NRG2: variants seen among roughly 807,000 people sequenced by gnomAD.
NRG2 encodes the protein pro-neuregulin-2, membrane-bound isoform.
Under a neutral mutation model 73.9 loss-of-function variants are expected in NRG2, and 27 were observed. That is an observed-to-expected ratio of 0.37 (90% confidence interval 0.27 to 0.50). The LOEUF (loss-of-function observed/expected upper bound fraction) is 0.50, where lower values mean the gene tolerates loss of function less well. NRG2 is among the 20% of genes least tolerant of loss of function. The pLI, the probability that NRG2 is intolerant of heterozygous loss-of-function variation, is 0.96. For missense variants in NRG2, 1,126 were observed against 1,210.1 expected, an observed-to-expected ratio of 0.93 and a Z score of 1.03; for synonymous variants, 532 against 541.0, an observed-to-expected ratio of 0.98 and a Z score of 0.23.
intron 1 of NRG2, among the ~76,000 whole-genome samples, chr5:139,917,337 G>A (rs1336294520): frequency 6.6e-6 from 1 of 152,042 alleles, no homozygotes; most frequent in African/African-American, 2.4e-5. Context: ...CTGCAGCCTT[G>A]ACCTCCCGGG....
At chr5:139,925,345 GGAC>G (rs1350671922) in intron 1 of NRG2, among the ~76,000 whole-genome samples, 1 of 152,124 alleles carries the variant, frequency 6.6e-6, no homozygotes, top group Non-Finnish European at 1.5e-5. Flanking sequence ...AGTGTTTACT[GGAC>G]ACTCATGAGG....
intron 5 of NRG2, among the ~76,000 whole-genome samples, chr5:139,860,340 C>T (rs568351141): frequency 6.6e-6 from 1 of 152,134 alleles, no homozygotes; most frequent in South Asian, 2.1e-4. Flanking sequence ...TTCCTGCAGA[C>T]AGCTTGCCCA....
At chr5:139,881,931 C>A (rs541493036) in intron 2 of NRG2, among the ~76,000 whole-genome samples, 7 of 152,330 alleles carry the variant, frequency 4.6e-5, no homozygotes, top group African/African-American at 1.7e-4. Context: ...TGCTTAGGCT[C>A]TGCAAGGGCC....
chr5:140,030,641 G>A (rs1416566979), intron 1 of NRG2, among the ~76,000 whole-genome samples: 2 of 152,180 alleles, frequency 1.3e-5, no homozygotes, highest in African/African-American at 2.4e-5. Flanking sequence ...AAACAAATAC[G>A]GAAAGCTCAC....
chr5:139,970,727 A>G (rs1304549648), intron 1 of NRG2, among the ~76,000 whole-genome samples: 1 of 152,204 alleles, frequency 6.6e-6, no homozygotes, highest in Non-Finnish European at 1.5e-5. Flanking sequence ...TGTGGTAGGA[A>G]GCAGTGGGAA....
chr5:139,886,738 C>T (rs1177029454), intron 2 of NRG2, among the ~76,000 whole-genome samples: 3 of 152,170 alleles, frequency 2.0e-5, no homozygotes, highest in African/African-American at 7.2e-5. Flanking sequence ...TCTCCCATAG[C>T]CTAGAGACTC....
At chr5:139,964,875 T>C (rs932204435) in intron 1 of NRG2, among the ~76,000 whole-genome samples, 8 of 152,198 alleles carry the variant, frequency 5.3e-5, no homozygotes, top group African/African-American at 1.9e-4. Flanking sequence ...CCAGGAGAGA[T>C]GGTTTTTGTC....
intron 1 of NRG2, among the ~76,000 whole-genome samples, chr5:139,895,025 G>T (rs1007819373): frequency 1.3e-5 from 2 of 152,224 alleles, no homozygotes; most frequent in African/African-American, 2.4e-5. Context: ...AAGGGAGGAG[G>T]AGGAGACAAA....
At position 139,848,167 on chromosome 5, in the gene NRG2, C is replaced by T; in HGVS notation, c.2303G>A (p.Gly768Asp). 7.0e-7 allele frequency: 1 copy of T among 1,430,790 alleles called. No homozygotes were observed. Among genetic ancestry groups the T allele is most frequent in the Non-Finnish European group, 9.1e-7 (1 of 1,098,588 alleles). 88.6% of individuals were successfully genotyped at this position (1,430,790 alleles called of 1,614,324 possible). A position where few individuals can be genotyped will look rare whatever the true frequency, so the allele number is the denominator to read the frequency against. The change falls in exon 10 of 10, where the codon GGC becomes GAC. Residue 768 changes from glycine to aspartate, a missense_variant. Gly to Asp is a moderately conservative substitution (Grantham distance 94). Around this residue, in one of 3 missense-constraint regions of NRG2, gnomAD observed 402 missense variants for 357.8 expected, o/e 1.12. Coordinates refer to ENST00000361474, the MANE Select transcript of NRG2 (RefSeq NM_004883.3). Reference sequence around the variant, plus strand: ...CGCCGAGGCTGAGCCGCCGCCCGAGCCGCTGCTCAGCGACAGCGAGTCCCT... The same window carrying T: ...CGCCGAGGCTGAGCCGCCGCCCGAGTCGCTGCTCAGCGACAGCGAGTCCCT... Reference protein sequence around the residue: ...AARDSLSLSSGSGGGSASASD... With the variant: ...AARDSLSLSSDSGGGSASASD...
chr5:139,965,004 A>G (rs1216996311), intron 1 of NRG2, among the ~76,000 whole-genome samples: 2 of 152,208 alleles, frequency 1.3e-5, no homozygotes. Flanking sequence ...AGGGGAAACA[A>G]AGGTGTCTTG....
At chr5:139,949,574 G>T (rs1037328568) in intron 1 of NRG2, among the ~76,000 whole-genome samples, 8 of 152,120 alleles carry the variant, frequency 5.3e-5, no homozygotes, top group Non-Finnish European at 1.2e-4. Flanking sequence ...TCAGACTTCT[G>T]TACATATATA....
chr5:139,960,306 G>C (rs1259302790), intron 1 of NRG2, among the ~76,000 whole-genome samples: 1 of 152,142 alleles, frequency 6.6e-6, no homozygotes, highest in African/African-American at 2.4e-5. Flanking sequence ...CCTGAGGTCG[G>C]GAGTTCGAGA....
At chr5:139,942,062 G>A (rs1490699728) in intron 1 of NRG2, among the ~76,000 whole-genome samples, 1 of 152,068 alleles carries the variant, frequency 6.6e-6, no homozygotes, top group East Asian at 1.9e-4. Context: ...ACTGGTTAAG[G>A]GTAGTTTTTT....
Position 139,848,118 on chromosome 5 carries a change from C to T in NRG2, c.2352G>A (p.Ala784=). Residue 784 remains alanine, a synonymous_variant, in exon 10 of 10, where the codon GCG becomes GCA. Coordinates refer to ENST00000361474, the MANE Select transcript of NRG2 (RefSeq NM_004883.3). ...TGCTCTCGGCCGCCAGCGCCCCGTC[C>T]GCGTCGTCCGCGTCGTCGTCCGACG... ...ASASDDDADD[A]DGALAAESTP... 2 of 1,471,470 alleles carry T rather than the reference C, an allele frequency of 1.4e-6. No individual in the cohort carries two copies. Among genetic ancestry groups the T allele is most frequent in the South Asian group, 2.6e-5 (2 of 77,780 alleles). 91.2% of individuals were successfully genotyped at this position (1,471,470 alleles called of 1,614,324 possible). A position where few individuals can be genotyped will look rare whatever the true frequency, so the allele number is the denominator to read the frequency against.
rs918450409 is a variant in NRG2, at chr5:139,868,749, C to A, written c.1112+2972G>T. Among the ~76,000 whole-genome samples, 2 of 152,008 alleles carry A rather than the reference C, an allele frequency of 1.3e-5. No homozygotes were observed. Among genetic ancestry groups the A allele is most frequent in the Admixed American group, 1.3e-4 (2 of 15,260 alleles). On this transcript the variant is annotated intron_variant, in intron 4 of 9. Coordinates refer to ENST00000361474, the MANE Select transcript of NRG2 (RefSeq NM_004883.3). The surrounding 1 kb of genome is among the most constrained non-coding windows in gnomAD (Gnocchi z 4.2). ...GGGGTGGATGAAGGATGGCGGTGTG[C>A]CCCGGGCACTGGAGGGAGTGAAGGG...
At chr5:139,974,240 C>T (rs910605107) in intron 1 of NRG2, among the ~76,000 whole-genome samples, 3 of 152,068 alleles carry the variant, frequency 2.0e-5, no homozygotes, top group Non-Finnish European at 2.9e-5. Flanking sequence ...TCCTCCTCAC[C>T]GAGAAAATGA....
intron 1 of NRG2, among the ~76,000 whole-genome samples, chr5:139,997,585 G>A (rs1249255064): frequency 6.6e-6 from 1 of 152,220 alleles, no homozygotes; most frequent in Admixed American, 6.5e-5. Context: ...TCTAATCCTA[G>A]ACTGAGGACA....
At chr5:139,997,873 A>G (rs930688271) in intron 1 of NRG2, among the ~76,000 whole-genome samples, 1 of 152,208 alleles carries the variant, frequency 6.6e-6, no homozygotes, top group Non-Finnish European at 1.5e-5. Context: ...AGAGAGGGCC[A>G]TGGGCCGGGT....
At chr5:139,849,127 G>A (rs1761241821) in intron 9 of NRG2, among the ~76,000 whole-genome samples, 1 of 152,086 alleles carries the variant, frequency 6.6e-6, no homozygotes, top group South Asian at 2.1e-4. Flanking sequence ...CATTCTACAC[G>A]CAGGAAAGTA....
Sources: allele counts gnomAD v4.1 joint callset (sites outside exome capture counted in the v4.1 genomes callset), GRCh38; gene constraint gnomAD v4.1.1; regional missense constraint gnomAD v4.1.1; non-coding constraint Gnocchi (gnomAD v3.1); transcripts MANE v1.5; gene names NCBI Gene and HGNC (gene_info 2026-07-23, HGNC 2026-07-21).